Variants in ATL2 observed in about 807,000 individuals in gnomAD.
ATL2 encodes the protein atlastin GTPase 2, also known as atlastin-2.
ATL2 carries 31 observed loss-of-function variants against 73.9 expected under a neutral mutation model. The ratio of observed to expected loss-of-function variants is 0.42; its 90% CI spans 0.32 to 0.57. The LOEUF is 0.57. ATL2 is among the 20% of genes least tolerant of loss of function. ATL2 has a pLI of 0.14. For synonymous variants in ATL2, 291 were observed against 237.5 expected (o/e 1.23, Z -2.07); for missense variants, 738 against 702.6 (o/e 1.05, Z -0.57).
intron 9 of ATL2, among the ~76,000 whole-genome samples, chr2:38,303,536 C>T (rs1456583046): frequency 6.6e-6 from 1 of 151,838 alleles, no homozygotes; most frequent in Non-Finnish European, 1.5e-5. Context: ...AATTAGTCAG[C>T]TTGGAGACAG....
At chr2:38,333,734 A>T (rs1477455805) in intron 2 of ATL2, among the ~76,000 whole-genome samples, 3 of 152,218 alleles carry the variant, frequency 2.0e-5, no homozygotes, top group Admixed American at 2.0e-4. Context: ...GAAAAGCTGC[A>T]AAGGACAGAG....
intron 1 of ATL2, among the ~76,000 whole-genome samples, chr2:38,368,906 T>G (rs567148377): frequency 1.3e-5 from 2 of 152,098 alleles, no homozygotes; most frequent in Non-Finnish European, 2.9e-5. Flanking sequence ...CTGGGCAACA[T>G]AGTGATACCT....
intron 2 of ATL2, among the ~76,000 whole-genome samples, chr2:38,336,135 T>C (rs750702377): frequency 2.0e-5 from 3 of 152,258 alleles, no homozygotes; most frequent in Non-Finnish European, 2.9e-5. Context: ...AAGACAGTTT[T>C]TCTTCATGTA....
intron 1 of ATL2, among the ~76,000 whole-genome samples, chr2:38,350,116 C>T (rs572891798): frequency 1.3e-5 from 2 of 152,066 alleles, no homozygotes; most frequent in African/African-American, 4.8e-5. Context: ...AAATTCCACA[C>T]CACTCTAAGA....
chr2:38,373,841 C>T (rs908130183), intron 1 of ATL2, among the ~76,000 whole-genome samples: 1 of 152,248 alleles, frequency 6.6e-6, no homozygotes, highest in Middle Eastern at 3.4e-3. Flanking sequence ...ATAATATCTA[C>T]CAAGTATTAT....
intron 1 of ATL2, among the ~76,000 whole-genome samples, chr2:38,358,285 ACTG>A (rs1243589285): frequency 3.3e-5 from 5 of 152,154 alleles, no homozygotes; most frequent in African/African-American, 1.2e-4. Flanking sequence ...TTCCTGGGAG[ACTG>A]CTAATACTGT....
chr2:38,365,243 C>T (rs762001810), intron 1 of ATL2, among the ~76,000 whole-genome samples: 1 of 151,450 alleles, frequency 6.6e-6, no homozygotes. Flanking sequence ...ACACTTAGAT[C>T]GAATAGGGCT....
At chr2:38,377,452 C>T (rs372572452), upstream of ATL2, among the ~76,000 whole-genome samples, 1 of 147,314 alleles carries the variant, frequency 6.8e-6, no homozygotes, top group South Asian at 2.3e-4. Context: ...CCCCGCCCAT[C>T]GCTCGCTCGC....
chr2:38,372,179 A>G lies in ATL2; in HGVS notation c.118+4964T>C, dbSNP rs1035682889. Among the ~76,000 whole-genome samples, 6 of 141,316 alleles carry G rather than the reference A, an allele frequency of 4.2e-5. No individual in the cohort carries two copies. In the Admixed American group the frequency reaches 4.5e-4, roughly 10 times the overall value. The allele number at this position is 141,316 out of a possible 152,430, so 92.7% of individuals were successfully genotyped here. A position where few individuals can be genotyped will look rare whatever the true frequency, so the allele number is the denominator to read the frequency against. Reference sequence around the variant, plus strand: ...ATAACAGACCCAAGTTAGATTTTGCAGATTTACTGTTTGAAAAGCCAATGC... The same window carrying G: ...ATAACAGACCCAAGTTAGATTTTGCGGATTTACTGTTTGAAAAGCCAATGC... On this transcript the variant is annotated intron_variant, in intron 1 of 12. Transcript: ENST00000378954.
chr2:38,368,296 A>G (rs1427837515), intron 1 of ATL2, among the ~76,000 whole-genome samples: 2 of 146,320 alleles, frequency 1.4e-5, no homozygotes, highest in Non-Finnish European at 3.0e-5. Context: ...CTTGTTGCCC[A>G]GGCTGGAGCG....
At chr2:38,337,736 C>T (rs1000255447) in intron 2 of ATL2, among the ~76,000 whole-genome samples, 3 of 151,672 alleles carry the variant, frequency 2.0e-5, no homozygotes, top group African/African-American at 7.3e-5. Flanking sequence ...TTGATAAGTG[C>T]TAAAAATTGT....
chr2:38,359,672 T>C (rs1346115249), intron 1 of ATL2: 2 of 152,052 alleles, frequency 1.3e-5, no homozygotes, highest in African/African-American at 4.8e-5. Flanking sequence ...TAAAGAACAC[T>C]AAGGCAAAAA....
chr2:38,329,422 CCAAAAAAAAAA>C, intron 2 of ATL2, among the ~76,000 whole-genome samples: 1 of 27,416 alleles, frequency 3.6e-5, no homozygotes. Context: ...GACTCCATCT[CCAAAAAAAAAA>C]AAAAAAAAAA....
chr2:38,375,213 G>A (rs1223832320), intron 1 of ATL2, among the ~76,000 whole-genome samples: 4 of 152,150 alleles, frequency 2.6e-5, no homozygotes, highest in Middle Eastern at 6.4e-3. Flanking sequence ...GAGACAAAGA[G>A]TTTCTACACA....
At chr2:38,315,410 T>C in intron 4 of ATL2, 76 bp from the exon 5 acceptor site, 1 of 1,421,476 alleles carries the variant, frequency 7.0e-7, no homozygotes, top group Non-Finnish European at 9.3e-7. Flanking sequence ...ACTTTACTTG[T>C]GGAAAAAAGG....
chr2:38,308,478 G>C (rs1558392573), intron 9 of ATL2, among the ~76,000 whole-genome samples: 1 of 152,062 alleles, frequency 6.6e-6, no homozygotes, highest in Non-Finnish European at 1.5e-5. Context: ...AGAGGGTGGA[G>C]GGGAGGCAGA....
chr2:38,305,687 T>A (rs540036860), intron 9 of ATL2, among the ~76,000 whole-genome samples: 1 of 151,886 alleles, frequency 6.6e-6, no homozygotes, highest in Admixed American at 6.6e-5. Flanking sequence ...GAATGACCAC[T>A]AGATCAGTGA....
chr2:38,315,469 A>G, intron 4 of ATL2, 135 bp from the exon 5 acceptor site: 1 of 860,758 alleles, frequency 1.2e-6, no homozygotes, highest in Non-Finnish European at 1.7e-6. Flanking sequence ...TATCTTGACA[A>G]CTGACATGTG....
chr2:38,362,747 T>C (rs1256708092), intron 1 of ATL2, among the ~76,000 whole-genome samples: 3 of 152,186 alleles, frequency 2.0e-5, no homozygotes, highest in Admixed American at 6.5e-5. Flanking sequence ...CCTTAGGAGT[T>C]TACATCCTAA....
Sources: allele counts gnomAD v4.1 joint callset (sites outside exome capture counted in the v4.1 genomes callset), GRCh38; gene constraint gnomAD v4.1.1; transcripts MANE v1.5; gene names NCBI Gene and HGNC (gene_info 2026-07-23, HGNC 2026-07-21).